SLC25A33: variants seen among roughly 807,000 people sequenced by gnomAD.
SLC25A33 encodes bone marrow stromal cell mitochondrial carrier protein.
In SLC25A33, 15 loss-of-function variants were observed where a neutral mutation model predicts 35.5. That is an observed-to-expected ratio of 0.42 (90% confidence interval 0.28 to 0.65). SLC25A33 has a LOEUF of 0.65. Among genes scored for constraint, SLC25A33 ranks in the 30% least tolerant of loss-of-function variants. The pLI is 0.20. For synonymous variants in SLC25A33, 136 were observed against 148.7 expected (o/e 0.91, Z 0.62); for missense variants, 257 against 398.5 (o/e 0.64, Z 3.02).
Position 9,584,311 on chromosome 1 carries a change from T to A in SLC25A33, c.*1810T>A, listed in dbSNP as rs1643780894. The A allele has an allele frequency of 6.6e-6, 1 of 152,222 alleles. No individual in the cohort carries two copies. The highest frequency in any genetic ancestry group is 1.5e-5 in the Non-Finnish European group (1 of 68,046). 9.4% of individuals were successfully genotyped at this position (152,222 alleles called of 1,614,324 possible). The stretch of plus-strand genomic sequence containing the variant: ...GGGTTCTTGACTCTAGTGTAATTGC[T>A]CCAACAACTACGTAGAAGTCAAAAT... On this transcript the variant is annotated 3_prime_UTR_variant, in exon 7 of 7. Transcript: ENST00000302692.
At chr1:9,548,000 G>A (rs1399412250) in intron 1 of SLC25A33, among the ~76,000 whole-genome samples, 1 of 151,880 alleles carries the variant, frequency 6.6e-6, no homozygotes, top group African/African-American at 2.4e-5. Context: ...GCTGAGACTA[G>A]AGTAGCTGGG....
At chr1:9,564,907 G>A (rs1191917971) in intron 2 of SLC25A33, among the ~76,000 whole-genome samples, 1 of 151,546 alleles carries the variant, frequency 6.6e-6, no homozygotes, top group Non-Finnish European at 1.5e-5. Context: ...CTGGGTGATG[G>A]AGTAAGACCC....
intron 2 of SLC25A33, among the ~76,000 whole-genome samples, chr1:9,563,705 A>G (rs916205153): frequency 5.3e-5 from 8 of 152,108 alleles, no homozygotes; most frequent in East Asian, 1.9e-4. Flanking sequence ...AAAACATTCT[A>G]TTAACTTTTT....
At chr1:9,551,327 C>T (rs925147402) in intron 1 of SLC25A33, among the ~76,000 whole-genome samples, 6 of 152,110 alleles carry the variant, frequency 3.9e-5, no homozygotes, top group African/African-American at 1.2e-4. Flanking sequence ...GAACTGAAAT[C>T]GCACCACTGC....
At chr1:9,554,290 A>G (rs1266424541) in intron 2 of SLC25A33, among the ~76,000 whole-genome samples, 1 of 152,204 alleles carries the variant, frequency 6.6e-6, no homozygotes, top group Non-Finnish European at 1.5e-5. Flanking sequence ...TGGCCTCCCA[A>G]AGTGCTGGTA....
intron 1 of SLC25A33, among the ~76,000 whole-genome samples, chr1:9,548,850 C>A (rs1305188194): frequency 1.3e-5 from 2 of 152,140 alleles, no homozygotes; most frequent in Non-Finnish European, 2.9e-5. Context: ...CTCAGATGAA[C>A]CAAGAGGATC....
chr1:9,561,143 C>T (rs1481048068), intron 2 of SLC25A33, among the ~76,000 whole-genome samples: 2 of 151,988 alleles, frequency 1.3e-5, no homozygotes, highest in African/African-American at 4.8e-5. Flanking sequence ...GGGGTTTCAG[C>T]GGTATTAGCC....
chr1:9,574,531 A>G (rs757207781), intron 5 of SLC25A33, among the ~76,000 whole-genome samples: 29 of 152,244 alleles, frequency 1.9e-4, no homozygotes, highest in Non-Finnish European at 4.0e-4. Context: ...GATGTTTTCA[A>G]CAAATGTAAT....
intron 1 of SLC25A33, among the ~76,000 whole-genome samples, chr1:9,546,720 A>G (rs554728282): frequency 6.6e-6 from 1 of 152,170 alleles, no homozygotes; most frequent in South Asian, 2.1e-4. Flanking sequence ...AGTTGCAAGT[A>G]ATAGAAGATT....
chr1:9,565,945 A>G (rs1643496587), intron 2 of SLC25A33, among the ~76,000 whole-genome samples: 1 of 152,000 alleles, frequency 6.6e-6, no homozygotes, highest in South Asian at 2.1e-4. Flanking sequence ...TTTGGACTTG[A>G]GATACTAGGC....
intron 1 of SLC25A33, 145 bp downstream of exon 1, chr1:9,539,892 C>A (rs959915257): frequency 1.2e-5 from 9 of 726,802 alleles, no homozygotes; most frequent in Non-Finnish European, 1.7e-5. Context: ...GTCCCGGCGT[C>A]GGGGACTGGT....
At chr1:9,549,373 G>C (rs545909235) in intron 1 of SLC25A33, among the ~76,000 whole-genome samples, 1 of 127,448 alleles carries the variant, frequency 7.8e-6, no homozygotes, top group Admixed American at 8.4e-5. Flanking sequence ...GGGATGAACT[G>C]ATGGTGGGAT....
chr1:9,566,301 A>G (rs1368532318), intron 2 of SLC25A33, among the ~76,000 whole-genome samples: 1 of 152,184 alleles, frequency 6.6e-6, no homozygotes, highest in African/African-American at 2.4e-5. Flanking sequence ...TGGACCTCCC[A>G]AAATGCTGGG....
chr1:9,567,325 G>C lies in SLC25A33; in HGVS notation c.278G>C (p.Gly93Ala). ...EKEGPKSLFR[G>A]LGPNLVGVAP... ...GAGGGACCAAAGTCACTTTTTAGAG[G>C]CTTGGGTCCAAATTTGGTTGGAGTT... is the stretch of plus-strand genomic sequence containing the variant. Residue 93 changes from glycine (G) to alanine (A), a missense_variant, in exon 3 of 7, where the codon GGC becomes GCC. Physicochemically the swap from Gly to Ala is moderately conservative, Grantham distance 60 (BLOSUM62 0). Coordinates refer to ENST00000302692, the MANE Select transcript of SLC25A33 (RefSeq NM_032315.3). The C allele has an allele frequency of 2.5e-6, 4 of 1,613,968 alleles. No individual in the cohort carries two copies. Among genetic ancestry groups the C allele is most frequent in the Non-Finnish European group, 3.4e-6 (4 of 1,179,954 alleles).
Position 9,582,565 on chromosome 1 carries a change from A to C in SLC25A33, c.*64A>C. 1 of 1,490,470 alleles carries C rather than the reference A, an allele frequency of 6.7e-7. No homozygotes were observed. 92.3% of individuals were successfully genotyped at this position (1,490,470 alleles called of 1,614,324 possible). A position where few individuals can be genotyped will look rare whatever the true frequency, so the allele number is the denominator to read the frequency against. On this transcript the variant is annotated 3_prime_UTR_variant, in exon 7 of 7. Coordinates refer to ENST00000302692, the MANE Select transcript of SLC25A33 (RefSeq NM_032315.3). The surrounding 1 kb of genome is among the most constrained non-coding windows in gnomAD (Gnocchi z 4.0). ...AAACTCTAGAGAATTTTTTTTCCCC[A>C]TTGATGTTTAGAAAGTTTGAGACTG...
chr1:9,548,657 G>A (rs1010871918), intron 1 of SLC25A33, among the ~76,000 whole-genome samples: 3 of 152,212 alleles, frequency 2.0e-5, no homozygotes, highest in Non-Finnish European at 2.9e-5. Context: ...CTTTCTGTAT[G>A]CCAGTAGGTC....
chr1:9,548,356 C>T (rs576433430), intron 1 of SLC25A33, among the ~76,000 whole-genome samples: 4 of 152,230 alleles, frequency 2.6e-5, no homozygotes, highest in Admixed American at 6.5e-5. Flanking sequence ...CCCAGGCGGG[C>T]GCATCTCCTG....
chr1:9,568,385 A>G (rs776029214), intron 3 of SLC25A33, among the ~76,000 whole-genome samples: 1 of 152,180 alleles, frequency 6.6e-6, no homozygotes. Flanking sequence ...CAGAGGTTGC[A>G]GTGAGCTGAG....
chr1:9,569,461 A>G (rs1180303094), intron 3 of SLC25A33, among the ~76,000 whole-genome samples: 3 of 152,226 alleles, frequency 2.0e-5, no homozygotes, highest in Non-Finnish European at 4.4e-5. Context: ...CGCTGCTCAC[A>G]GGCAATGCTC....
Sources: allele counts gnomAD v4.1 joint callset (sites outside exome capture counted in the v4.1 genomes callset), GRCh38; gene constraint gnomAD v4.1.1; non-coding constraint Gnocchi (gnomAD v3.1); transcripts MANE v1.5; gene names NCBI Gene and HGNC (gene_info 2026-07-23, HGNC 2026-07-21).